The following CHEK2 variants were observed in gnomAD, a reference collection of about 807,000 sequenced individuals.
CHEK2 encodes serine/threonine-protein kinase Chk2.
CHEK2 carries 71 observed loss-of-function variants against 69.1 expected under a neutral mutation model. The ratio of observed to expected loss-of-function variants is 1.03; its 90% CI spans 0.85 to 1.25. The LOEUF is 1.25. Ranked by LOEUF, CHEK2 falls within the 50% of genes most tolerant of loss-of-function variation. CHEK2 has a pLI of 0.00. For synonymous variants in CHEK2, 189 were observed against 226.9 expected, an observed-to-expected ratio of 0.83 and a Z score of 1.50; for missense variants, 664 against 649.6, an observed-to-expected ratio of 1.02 and a Z score of -0.24.
intron 10 of CHEK2, among the ~76,000 whole-genome samples, chr22:28,696,549 A>T (rs1453349132): frequency 1.3e-5 from 2 of 151,740 alleles, no homozygotes; most frequent in Non-Finnish European, 2.9e-5. Context: ...AAATTTTTGT[A>T]TTTTTTGCCA....
intron 5 of CHEK2, among the ~76,000 whole-genome samples, chr22:28,718,693 G>C (rs2053664155): frequency 6.6e-6 from 1 of 151,800 alleles, no homozygotes; most frequent in East Asian, 1.9e-4. Context: ...ACCAGCCTGG[G>C]CAACATGGTA....
rs71709249 is a variant in CHEK2 at position 28,702,233 on chromosome 22, AT to A, written c.908+1271del. 2.9e-3 allele frequency among the ~76,000 whole-genome samples: 368 copies of A among 128,260 alleles called. 4 individuals are homozygous for A. Among genetic ancestry groups the A allele is most frequent in the African/African-American group, 8.7e-3 (290 of 33,466 alleles). The allele number at this position is 128,260 out of a possible 152,430, so 84.1% of individuals were successfully genotyped here. A position where few individuals can be genotyped will look rare whatever the true frequency, so the allele number is the denominator to read the frequency against. On this transcript the variant is annotated intron_variant, in intron 8 of 14. Coordinates refer to ENST00000404276, the MANE Select transcript of CHEK2 (RefSeq NM_007194.4). ...TGTATCCTGTATACTTTCTTTCTCTATTTTTTTTTTTTTAATTTTTTTTGAA... is the reference window on the plus strand; with the variant it reads ...TGTATCCTGTATACTTTCTTTCTCTATTTTTTTTTTTTAATTTTTTTTGAA...
At chr22:28,721,584 G>T (rs545508409) in intron 4 of CHEK2, 3 of 457,778 alleles carry the variant, frequency 6.6e-6, no homozygotes, top group Admixed American at 2.5e-5. Flanking sequence ...ACCGCGCCCC[G>T]CCGTATTTTT....
chr22:28,734,820 G>GAAA (rs1159783500), intron 1 of CHEK2, 93 bp from the exon 2 acceptor site: 12 of 710,278 alleles, frequency 1.7e-5, no homozygotes, highest in South Asian at 6.8e-5. Context: ...AACAGCAAAA[G>GAAA]AAAAGAAAAA....
chr22:28,715,705 C>A (rs533239307), intron 5 of CHEK2, among the ~76,000 whole-genome samples: 1 of 152,270 alleles, frequency 6.6e-6, no homozygotes, highest in Admixed American at 6.5e-5. Flanking sequence ...CAGGCGTTAG[C>A]CACTATGCCC....
At chr22:28,718,883 A>AACACACACACACACAC (rs144577000) in intron 5 of CHEK2, among the ~76,000 whole-genome samples, 7 of 140,450 alleles carry the variant, frequency 5.0e-5, no homozygotes, top group African/African-American at 1.1e-4. Flanking sequence ...CTCTGACACT[A>AACACACACACACACAC]ACACACACAC....
intron 7 of CHEK2, among the ~76,000 whole-genome samples, chr22:28,706,177 TG>T (rs2053133371): frequency 6.6e-6 from 1 of 151,718 alleles, no homozygotes; most frequent in Non-Finnish European, 1.5e-5. Context: ...AGCACGAACC[TG>T]TAGTCCCAGC....
chr22:28,738,916 A>C (rs992481558), intron 1 of CHEK2, among the ~76,000 whole-genome samples: 4 of 152,220 alleles, frequency 2.6e-5, no homozygotes, highest in African/African-American at 9.6e-5. Flanking sequence ...ACAAGGGATG[A>C]ATAACCAGAA....
intron 2 of CHEK2, among the ~76,000 whole-genome samples, chr22:28,732,542 C>T (rs1164007008): frequency 3.3e-5 from 5 of 151,876 alleles, no homozygotes; most frequent in African/African-American, 7.3e-5. Flanking sequence ...CCACAATGCC[C>T]GGTCTGAAAA....
intron 9 of CHEK2, among the ~76,000 whole-genome samples, chr22:28,699,070 C>T (rs1013883120): frequency 3.3e-5 from 5 of 152,028 alleles, no homozygotes; most frequent in African/African-American, 2.4e-5. Context: ...AGTGGCATGA[C>T]TGTGGCTCAC....
At chr22:28,708,984 A>C (rs1225651627) in intron 7 of CHEK2, 1 of 428,102 alleles carries the variant, frequency 2.3e-6, no homozygotes, top group East Asian at 7.6e-5. Context: ...ACAAACAAAA[A>C]AAATGCCAGA....
chr22:28,687,911 C>T lies in CHEK2; in HGVS notation c.1618G>A (p.Ala540Thr), dbSNP rs767414081. The T allele has an allele frequency of 6.3e-7, 1 of 1,596,204 alleles. No individual in the cohort carries two copies. Among genetic ancestry groups the T allele is most frequent in the Non-Finnish European group, 8.5e-7 (1 of 1,179,564 alleles). Residue 540 changes from alanine (A) to threonine (T), a missense_variant, in exon 15 of 15, where the codon GCT (alanine) becomes ACT (threonine). By Grantham distance (58) the Ala-to-Thr change is moderately conservative (BLOSUM62 0). Transcript: ENST00000404276. The part of the protein sequence containing the change: ...AETTKRPAVC[A>T]AVL ...AACCACGGAGTTCACAACACAGCAG[C>T]ACACACAGCTGGGCGCTTTGTGGTC... is the stretch of plus-strand genomic sequence containing the variant.
intron 5 of CHEK2, among the ~76,000 whole-genome samples, chr22:28,716,828 C>G (rs2053604882): frequency 6.6e-6 from 1 of 152,126 alleles, no homozygotes; most frequent in South Asian, 2.1e-4. Flanking sequence ...ACCCCAAGAC[C>G]TTGCAGGGCA....
intron 7 of CHEK2, among the ~76,000 whole-genome samples, chr22:28,705,111 C>T (rs891332676): frequency 1.5e-4 from 22 of 147,154 alleles, no homozygotes; most frequent in Admixed American, 1.3e-3. Context: ...CGGAGTCTTG[C>T]GCTGTCACCC....
intron 2 of CHEK2, chr22:28,730,516 G>C (rs1163992410): frequency 2.9e-6 from 2 of 699,260 alleles, no homozygotes; most frequent in Admixed American, 4.0e-5. Context: ...AGGAGTTCAA[G>C]ATCAGATTGG....
At chr22:28,689,318 C>G (rs1212393277) in intron 13 of CHEK2, 103 bp from the exon 14 acceptor site, 2 of 864,294 alleles carry the variant, frequency 2.3e-6, no homozygotes, top group African/African-American at 3.3e-5. Context: ...GAAAAATGTC[C>G]GTCCAAGAAT....
chr22:28,722,835 C>A (rs189137085), intron 4 of CHEK2, among the ~76,000 whole-genome samples: 1 of 152,198 alleles, frequency 6.6e-6, no homozygotes, highest in African/African-American at 2.4e-5. Context: ...TCTAGCCTCA[C>A]CTTTCTGAGT....
intron 7 of CHEK2, among the ~76,000 whole-genome samples, chr22:28,708,602 T>A (rs2053259226): frequency 6.6e-6 from 1 of 152,084 alleles, no homozygotes; most frequent in South Asian, 2.1e-4. Flanking sequence ...CAGTTTCTAC[T>A]GACTTTTTTG....
intron 1 of CHEK2, among the ~76,000 whole-genome samples, chr22:28,739,304 A>G (rs2054497556): frequency 2.0e-5 from 3 of 152,182 alleles, no homozygotes; most frequent in African/African-American, 7.2e-5. Flanking sequence ...AAAGATCCGA[A>G]AAGACATTTC....
Sources: allele counts gnomAD v4.1 joint callset (sites outside exome capture counted in the v4.1 genomes callset), GRCh38; gene constraint gnomAD v4.1.1; transcripts MANE v1.5; gene names NCBI Gene and HGNC (gene_info 2026-07-23, HGNC 2026-07-21).